Variants in ASAP1 observed in about 807,000 individuals in gnomAD.
ASAP1 encodes ArfGAP with SH3 domain, ankyrin repeat and PH domain 1.
ASAP1 carries 43 observed loss-of-function variants against 145.2 expected under a neutral mutation model. That is an observed-to-expected ratio of 0.30 (90% CI 0.23 to 0.38). ASAP1 has a LOEUF of 0.38. Ranked by LOEUF, ASAP1 falls within the 10% of genes least tolerant of loss-of-function variation. ASAP1 has a pLI of 1.00. For missense variants in ASAP1, 1,018 were observed against 1,355.3 expected, an observed-to-expected ratio of 0.75 and a Z score of 3.91; for synonymous variants, 546 against 515.5, an observed-to-expected ratio of 1.06 and a Z score of -0.80.
chr8:130,385,504 G>A (rs1485577339), intron 2 of ASAP1, among the ~76,000 whole-genome samples: 7 of 152,226 alleles, frequency 4.6e-5, no homozygotes, highest in African/African-American at 1.2e-4. Context: ...GTGGCTCAGC[G>A]CCCGAGGTGG....
At chr8:130,168,303 AAG>A (rs1406217350) in intron 10 of ASAP1, among the ~76,000 whole-genome samples, 1 of 152,180 alleles carries the variant, frequency 6.6e-6, no homozygotes, top group Non-Finnish European at 1.5e-5. Context: ...ACACTAAAAA[AAG>A]AGAGATAATA....
intron 27 of ASAP1, among the ~76,000 whole-genome samples, chr8:130,064,959 C>T (rs556014751): frequency 2.0e-5 from 3 of 151,580 alleles, no homozygotes; most frequent in African/African-American, 7.3e-5. Flanking sequence ...ACTGCAGTCT[C>T]GGTCTCCCAG....
chr8:130,124,198 T>C (rs2135711223), intron 17 of ASAP1, 94 bp from the exon 18 acceptor site: 1 of 903,918 alleles, frequency 1.1e-6, no homozygotes, highest in Middle Eastern at 3.2e-4. Context: ...TATGAATATG[T>C]ATTTTCCCTC....
chr8:130,070,068 A>T (rs963265602), intron 27 of ASAP1, among the ~76,000 whole-genome samples: 1 of 151,868 alleles, frequency 6.6e-6, no homozygotes, highest in Non-Finnish European at 1.5e-5. Flanking sequence ...ACGGAGTCTC[A>T]CTCTGTCGCC....
intron 3 of ASAP1, among the ~76,000 whole-genome samples, chr8:130,315,178 G>A (rs974732251): frequency 1.4e-4 from 21 of 152,126 alleles, no homozygotes; most frequent in Admixed American, 6.5e-5. Context: ...AGTTCACAAG[G>A]AAAATAGTAG....
chr8:130,188,326 G>A (rs961889735), intron 5 of ASAP1, 143 bp from the exon 6 acceptor site: 3 of 672,430 alleles, frequency 4.5e-6, no homozygotes, highest in Non-Finnish European at 7.9e-6. Context: ...GAACCTACAT[G>A]ACACCTCTGT....
intron 4 of ASAP1, among the ~76,000 whole-genome samples, chr8:130,215,316 G>T (rs534588547): frequency 6.6e-6 from 1 of 152,266 alleles, no homozygotes; most frequent in Admixed American, 6.5e-5. Flanking sequence ...AACTATGATT[G>T]ACTGGGTATG....
chr8:130,128,139 ATTTTTTTTTTTT>A lies in ASAP1; in HGVS notation c.1218-61_1218-50del, dbSNP rs745416119. ...AAAAAGTCTTTATAAGAGCATGGTC[ATTTTTTTTTTTT>A]TTTTTTTTTTTTTGCCACTGCAAAA... On this transcript the variant is annotated intron_variant, in intron 15 of 29. Coordinates refer to ENST00000518721, the MANE Select transcript of ASAP1 (RefSeq NM_018482.4). 244 of 179,512 alleles carry A rather than the reference ATTTTTTTTTTTT, an allele frequency of 1.4e-3. 3 individuals are homozygous for A. The highest frequency in any genetic ancestry group is 5.7e-3 in the Middle Eastern group (2 of 352). 11.1% of individuals were successfully genotyped at this position (179,512 alleles called of 1,614,324 possible). A position where few individuals can be genotyped will look rare whatever the true frequency, so the allele number is the denominator to read the frequency against.
At chr8:130,338,857 T>C (rs1825200669) in intron 3 of ASAP1, among the ~76,000 whole-genome samples, 1 of 151,858 alleles carries the variant, frequency 6.6e-6, no homozygotes, top group Non-Finnish European at 1.5e-5. Flanking sequence ...CTGAGGACTG[T>C]TTCCTGGGCA....
chr8:130,090,163 A>C (rs1182822859), intron 25 of ASAP1, among the ~76,000 whole-genome samples: 1 of 152,254 alleles, frequency 6.6e-6, no homozygotes, highest in Non-Finnish European at 1.5e-5. Context: ...TGAAAATCTA[A>C]AAAAGTGATG....
rs371369694 is a variant in ASAP1, at chr8:130,244,932, C to A, written c.187-7938G>T. ...AAAGACAAGTTGAGGCAGAGAGAAG[C>A]AGAACAGAAATAGGAACTCCAATTA... On this transcript the variant is annotated intron_variant, in intron 3 of 29. Coordinates refer to ENST00000518721, the MANE Select transcript of ASAP1 (RefSeq NM_018482.4). Among the ~76,000 whole-genome samples, 53 of 152,160 alleles carry A rather than the reference C, an allele frequency of 3.5e-4. No homozygotes were observed. The East Asian group carries it at 7.2e-3, about 21-fold the overall frequency.
intron 4 of ASAP1, among the ~76,000 whole-genome samples, chr8:130,227,790 ATTTTT>A (rs1414606787): frequency 1.3e-5 from 2 of 151,974 alleles, no homozygotes; most frequent in Non-Finnish European, 2.9e-5. Context: ...GCTTTGTAAG[ATTTTT>A]TGTTTTAAGT....
intron 4 of ASAP1, among the ~76,000 whole-genome samples, chr8:130,225,369 A>C (rs1817528979): frequency 6.6e-6 from 1 of 152,214 alleles, no homozygotes; most frequent in African/African-American, 2.4e-5. Context: ...AAAAACCCTT[A>C]ACCTTTAACC....
At chr8:130,172,285 T>G (rs72722361) in intron 9 of ASAP1, among the ~76,000 whole-genome samples, 5,321 of 152,330 alleles carry the variant, frequency 0.035, 126 homozygotes, top group Middle Eastern at 0.065. Flanking sequence ...TCATTTTCAC[T>G]TTTAACATAA....
intron 3 of ASAP1, among the ~76,000 whole-genome samples, chr8:130,310,138 T>TGGGGG (rs368989712): frequency 1.8e-5 from 1 of 54,176 alleles, no homozygotes; most frequent in Non-Finnish European, 3.5e-5. Flanking sequence ...CAGTTTTTTT[T>TGGGGG]GGGGGGGGGA....
chr8:130,153,675 T>C (rs2097652324), intron 12 of ASAP1, among the ~76,000 whole-genome samples: 1 of 152,024 alleles, frequency 6.6e-6, no homozygotes, highest in Admixed American at 6.6e-5. Context: ...GCCGTGGCAC[T>C]GCTTTGGACA....
chr8:130,234,882 G>T (rs1432491988), intron 4 of ASAP1, among the ~76,000 whole-genome samples: 2 of 152,126 alleles, frequency 1.3e-5, no homozygotes, highest in Non-Finnish European at 2.9e-5. Flanking sequence ...CTGGTCAAAT[G>T]TTGTATGTGG....
At chr8:130,207,945 A>C (rs1173015319) in intron 5 of ASAP1, among the ~76,000 whole-genome samples, 1 of 152,226 alleles carries the variant, frequency 6.6e-6, no homozygotes, top group African/African-American at 2.4e-5. Context: ...CAGTTGGCTC[A>C]AAGAGTATCA....
At chr8:130,218,884 T>C (rs1817105541) in intron 4 of ASAP1, among the ~76,000 whole-genome samples, 1 of 152,092 alleles carries the variant, frequency 6.6e-6, no homozygotes, top group African/African-American at 2.4e-5. Context: ...TGTATGTATG[T>C]GTGTATATAC....
Sources: allele counts gnomAD v4.1 joint callset (sites outside exome capture counted in the v4.1 genomes callset), GRCh38; gene constraint gnomAD v4.1.1; transcripts MANE v1.5; gene names NCBI Gene and HGNC (gene_info 2026-07-23, HGNC 2026-07-21).